Variants in CALM2 observed in about 807,000 individuals in gnomAD.
CALM2 encodes calmodulin 2, also known as calmodulin-2.
Under a neutral mutation model 19.8 loss-of-function variants are expected in CALM2, and 2 were observed. That is an observed-to-expected ratio of 0.10 (90% CI 0.04 to 0.32). The LOEUF (loss-of-function observed/expected upper bound fraction) is 0.32. CALM2 is among the 10% of genes least tolerant of loss of function. The probability of loss-of-function intolerance (pLI) is 1.00; values close to 1 mark genes in which losing one functional copy is unlikely to be tolerated. For missense variants in CALM2, 38 were observed against 178.7 expected (o/e 0.21, Z 4.49); for synonymous variants, 51 against 52.1 (o/e 0.98, Z 0.09).
At chr2:47,169,371 G>C (rs1666596533) in intron 2 of CALM2, among the ~76,000 whole-genome samples, 1 of 152,110 alleles carries the variant, frequency 6.6e-6, no homozygotes, top group African/African-American at 2.4e-5. Flanking sequence ...TGTTGCCCAG[G>C]CTGGTCTCAA....
At chr2:47,175,788 G>A (rs1026346195) in intron 1 of CALM2, among the ~76,000 whole-genome samples, 5 of 145,286 alleles carry the variant, frequency 3.4e-5, no homozygotes, top group African/African-American at 4.9e-5. Context: ...CGAGCGGGGC[G>A]GCGGCTCCGG....
rs531333199 is a variant in CALM2, at chr2:47,160,765, G to A, written c.*11C>T. The A allele has an allele frequency of 7.6e-6, 11 of 1,442,820 alleles. No individual in the cohort carries two copies. The highest frequency in any genetic ancestry group is 4.7e-5 in the Admixed American group (2 of 42,434). 89.4% of individuals were successfully genotyped at this position (1,442,820 alleles called of 1,614,324 possible). A position where few individuals can be genotyped will look rare whatever the true frequency, so the allele number is the denominator to read the frequency against. On this transcript the variant is annotated 3_prime_UTR_variant, in exon 6 of 6. Coordinates refer to ENST00000272298, the MANE Select transcript of CALM2 (RefSeq NM_001743.6). The stretch of plus-strand genomic sequence containing the variant: ...TTGTACAAGAAATTTAACACATTCT[G>A]TACAAGGTCTTCACTTTGCTGTCAT...
At chr2:47,162,147 A>T in intron 4 of CALM2, 139 bp downstream of exon 4, 1 of 468,924 alleles carries the variant, frequency 2.1e-6, no homozygotes, top group East Asian at 3.8e-5. Flanking sequence ...TTTGCTTGGT[A>T]ATTAAAATAT....
intron 4 of CALM2, 70 bp from the exon 5 acceptor site, chr2:47,161,928 G>C (rs1458921058): frequency 1.3e-5 from 16 of 1,253,936 alleles, no homozygotes; most frequent in African/African-American, 4.5e-5. Context: ...AATTTATTAA[G>C]TTTACTACTA....
intron 2 of CALM2, among the ~76,000 whole-genome samples, chr2:47,166,272 A>G (rs949948344): frequency 5.3e-5 from 8 of 152,358 alleles, no homozygotes; most frequent in Admixed American, 4.6e-4. Flanking sequence ...AGGTTACAAG[A>G]AAATTAAAGG....
rs368515390 is a variant in CALM2 at position 47,162,282 on chromosome 2, G to A, written c.285+4C>T. 16 of 1,556,532 alleles carry A rather than the reference G, an allele frequency of 1.0e-5. No individual in the cohort carries two copies. The highest frequency in any genetic ancestry group is 4.6e-5 in the South Asian group (4 of 86,442). On this transcript the variant is annotated splice_donor_region_variant and intron_variant, in intron 4 of 5. Coordinates refer to ENST00000272298, the MANE Select transcript of CALM2 (RefSeq NM_001743.6). Reference sequence around the variant, plus strand: ...AAATTTAACATATCCAGTCCTTGACGTACCTTATCAAACACACGGAATGCT... The same window carrying A: ...AAATTTAACATATCCAGTCCTTGACATACCTTATCAAACACACGGAATGCT...
At chr2:47,165,042 C>G (rs1666419265) in intron 2 of CALM2, among the ~76,000 whole-genome samples, 1 of 152,174 alleles carries the variant, frequency 6.6e-6, no homozygotes, top group Non-Finnish European at 1.5e-5. Flanking sequence ...TTATCCCTCC[C>G]CAAATTTTGG....
At chr2:47,168,960 G>T (rs12988441) in intron 2 of CALM2, among the ~76,000 whole-genome samples, 2 of 151,916 alleles carry the variant, frequency 1.3e-5, no homozygotes, top group Non-Finnish European at 2.9e-5. Context: ...GTATTTTTAG[G>T]AGAGATGGGG....
At chr2:47,167,809 C>CTTTTTTTTTTTTTTTTTT (rs1400752450) in intron 2 of CALM2, 2 of 18,236 alleles carry the variant, frequency 1.1e-4, no homozygotes, top group African/African-American at 5.3e-4. Flanking sequence ...ATTTTTTTTT[C>CTTTTTTTTTTTTTTTTTT]TTTTCTTTGA....
intron 2 of CALM2, among the ~76,000 whole-genome samples, chr2:47,167,156 C>T (rs771227096): frequency 6.6e-6 from 1 of 152,112 alleles, no homozygotes; most frequent in Non-Finnish European, 1.5e-5. Flanking sequence ...ACTCTTTTGG[C>T]GCTTCATGCA....
At chr2:47,160,910 CCT>C (rs936058142) in intron 5 of CALM2, 106 bp from the exon 6 acceptor site, 8 of 626,792 alleles carry the variant, frequency 1.3e-5, no homozygotes, top group African/African-American at 7.7e-5. Context: ...TCTTTCCATT[CCT>C]CTCTTTCCTC....
chr2:47,176,420 G>T (rs1417888285), intron 1 of CALM2, 21 bp downstream of exon 1: 3 of 1,612,542 alleles, frequency 1.9e-6, no homozygotes, highest in Non-Finnish European at 2.5e-6. Context: ...CCCAGCGCCG[G>T]CAGCTCAGCG....
At chr2:47,167,273 C>G (rs567253153) in intron 2 of CALM2, among the ~76,000 whole-genome samples, 3 of 152,128 alleles carry the variant, frequency 2.0e-5, no homozygotes, top group African/African-American at 7.2e-5. Context: ...AAATACTGTA[C>G]ATTTTTCCTA....
rs566804680 is a variant in CALM2 at position 47,164,195 on chromosome 2, G to A, written c.35-1533C>T. Reference sequence around the variant, plus strand: ...AGAGCTTGCAGTGAGCTGATATTGCGCCACTGCACTCCAGCCTGGGCGACA... The same window carrying A: ...AGAGCTTGCAGTGAGCTGATATTGCACCACTGCACTCCAGCCTGGGCGACA... On this transcript the variant is annotated intron_variant, in intron 2 of 5. Coordinates refer to ENST00000272298, the MANE Select transcript of CALM2 (RefSeq NM_001743.6). 7.0e-5 allele frequency among the ~76,000 whole-genome samples: 10 copies of A among 142,942 alleles called. No individual in the cohort carries two copies. The East Asian group carries it at 8.4e-4, about 12-fold the overall frequency. 93.8% of individuals were successfully genotyped at this position (142,942 alleles called of 152,430 possible).
Position 47,162,295 on chromosome 2 carries a change from C to T in CALM2, c.276G>A (p.Val92=), listed in dbSNP as rs755057008. The T allele has an allele frequency of 1.9e-6, 3 of 1,577,124 alleles. No homozygotes were observed. The highest frequency in any genetic ancestry group is 2.6e-6 in the Non-Finnish European group (3 of 1,157,534). The change falls in exon 4 of 6, where the codon GTG becomes GTA. Residue 92 remains valine (V), a synonymous_variant. Transcript: ENST00000272298. ...CCAGTCCTTGACGTACCTTATCAAA[C>T]ACACGGAATGCTTCTCTAATTTCTT... ...SEEEIREAFR[V]FDKDGNGYIS...
chr2:47,172,939 T>C (rs1666726116), intron 1 of CALM2: 1 of 152,324 alleles, frequency 6.6e-6, no homozygotes, highest in Admixed American at 6.5e-5. Context: ...AAGTCAAAAT[T>C]TAGGGACCTC....
intron 1 of CALM2, chr2:47,172,331 C>G: frequency 2.3e-6 from 1 of 436,612 alleles, no homozygotes; most frequent in Non-Finnish European, 4.7e-6. Flanking sequence ...CCCAGCCCTG[C>G]CATTTAATAG....
At chr2:47,169,525 T>A (rs1192085484) in intron 2 of CALM2, among the ~76,000 whole-genome samples, 1 of 152,082 alleles carries the variant, frequency 6.6e-6, no homozygotes, top group African/African-American at 2.4e-5. Flanking sequence ...AAAAAAAAAA[T>A]TATTCCCAAA....
At position 47,162,278 on chromosome 2, in the gene CALM2, T is replaced by G; in HGVS notation, c.285+8A>C. On this transcript the variant is annotated splice_region_variant and intron_variant, in intron 4 of 5. Transcript: ENST00000272298. ...CTCAAAATTTAACATATCCAGTCCT[T>G]GACGTACCTTATCAAACACACGGAA... 6.5e-7 allele frequency: 1 copy of G among 1,549,548 alleles called. No individual in the cohort carries two copies. The highest frequency in any genetic ancestry group is 8.8e-7 in the Non-Finnish European group (1 of 1,131,288).
Sources: gnomAD v4.1 joint callset for allele counts (sites outside exome capture counted in the v4.1 genomes callset) on GRCh38, gnomAD v4.1.1 for gene constraint, MANE v1.5 for transcripts, NCBI Gene and HGNC (gene_info 2026-07-23, HGNC 2026-07-21) for gene names.